Variants in KDM4B observed in about 807,000 individuals in gnomAD.
KDM4B encodes the protein lysine-specific demethylase 4B.
In KDM4B, 32 loss-of-function variants were observed where a neutral mutation model predicts 125.2. That is an observed-to-expected ratio of 0.26 (90% CI 0.19 to 0.34). KDM4B has a LOEUF of 0.34. KDM4B is among the 10% of genes least tolerant of loss of function. The pLI is 1.00. For missense variants in KDM4B, 1,190 were observed against 1,577.7 expected, an observed-to-expected ratio of 0.75 and a Z score of 4.16; for synonymous variants, 721 against 677.9, an observed-to-expected ratio of 1.06 and a Z score of -0.99.
chr19:5,079,636 G>T (rs574990777), intron 8 of KDM4B, among the ~76,000 whole-genome samples: 1 of 152,346 alleles, frequency 6.6e-6, no homozygotes, highest in South Asian at 2.1e-4. Flanking sequence ...ACAGGGAGCC[G>T]TCACTTGGCC....
At chr19:5,109,580 A>G (rs745776574) in intron 9 of KDM4B, among the ~76,000 whole-genome samples, 1 of 152,090 alleles carries the variant, frequency 6.6e-6, no homozygotes, top group Non-Finnish European at 1.5e-5. Context: ...GGGCCATCCT[A>G]TTGGGTGTTT....
At chr19:5,077,681 G>T in intron 8 of KDM4B, 2 of 551,324 alleles carry the variant, frequency 3.6e-6, no homozygotes, top group Admixed American at 6.8e-5. Flanking sequence ...AATCTGGCGG[G>T]GTGTTAACCT....
At chr19:5,110,114 A>C (rs942139791) in intron 9 of KDM4B, among the ~76,000 whole-genome samples, 2 of 151,896 alleles carry the variant, frequency 1.3e-5, no homozygotes, top group East Asian at 3.9e-4. Flanking sequence ...GGCCGTTCCA[A>C]CTCCGTGGAG....
At chr19:5,032,772 G>A in intron 2 of KDM4B, 94 bp from the exon 3 acceptor site, 4 of 1,235,680 alleles carry the variant, frequency 3.2e-6, no homozygotes, top group Non-Finnish European at 1.1e-6. Context: ...GGTGGCCACG[G>A]TATTTTTAGC....
At chr19:4,986,814 G>A (rs536234726) in intron 1 of KDM4B, among the ~76,000 whole-genome samples, 2 of 152,234 alleles carry the variant, frequency 1.3e-5, no homozygotes, top group Non-Finnish European at 2.9e-5. Flanking sequence ...GGAACGAGGC[G>A]CAGCTCACTG....
At chr19:5,054,484 G>A (rs1437325180) in intron 6 of KDM4B, among the ~76,000 whole-genome samples, 1 of 152,156 alleles carries the variant, frequency 6.6e-6, no homozygotes, top group Non-Finnish European at 1.5e-5. Context: ...GTGTGTGTGT[G>A]TGTGTGCGCG....
chr19:5,017,832 C>T (rs1226893173), intron 2 of KDM4B, among the ~76,000 whole-genome samples: 1 of 151,636 alleles, frequency 6.6e-6, no homozygotes, highest in Non-Finnish European at 1.5e-5. Context: ...GCTCCGCCTC[C>T]CGGGTTCACG....
chr19:4,977,607 G>A (rs748929036), intron 1 of KDM4B, among the ~76,000 whole-genome samples: 2 of 152,192 alleles, frequency 1.3e-5, no homozygotes, highest in Non-Finnish European at 1.5e-5. Context: ...GGAGACAGAC[G>A]ATTTGTATGA....
In KDM4B at chr19:5,114,499, GA is replaced by G. The variant is rs958949184; in HGVS notation, c.1115+3682del. On this transcript the variant is annotated intron_variant, in intron 10 of 22. Coordinates refer to ENST00000159111, the MANE Select transcript of KDM4B (RefSeq NM_015015.3). This position sits in a 1 kb window ranked among gnomAD's most constrained non-coding sequence, Gnocchi z 5.8. ...ACCAACAGGGACCTCAGCCCTCAGG[GA>G]CAGAACCTCACGAGCACAGGGACCT... The G allele has an allele frequency of 1.1e-5, 4 of 361,744 alleles. No individual in the cohort carries two copies. Among genetic ancestry groups the G allele is most frequent in the African/African-American group, 8.5e-5 (4 of 47,058 alleles). 22.4% of individuals were successfully genotyped at this position (361,744 alleles called of 1,614,324 possible). A position where few individuals can be genotyped will look rare whatever the true frequency, so the allele number is the denominator to read the frequency against.
chr19:5,058,811 T>C (rs2037491384), intron 6 of KDM4B, among the ~76,000 whole-genome samples: 1 of 152,150 alleles, frequency 6.6e-6, no homozygotes, highest in South Asian at 2.1e-4. Context: ...GGCTGCAGGA[T>C]TTTTGTTTTA....
chr19:5,018,526 G>A (rs1281074324), intron 2 of KDM4B, among the ~76,000 whole-genome samples: 1 of 152,182 alleles, frequency 6.6e-6, no homozygotes, highest in Non-Finnish European at 1.5e-5. Flanking sequence ...GGTTTGGCAG[G>A]TCCCCAGATA....
At chr19:4,985,964 G>C (rs1599357898) in intron 1 of KDM4B, among the ~76,000 whole-genome samples, 1 of 152,334 alleles carries the variant, frequency 6.6e-6, no homozygotes, top group Non-Finnish European at 1.5e-5. Context: ...CGCTGTCTGG[G>C]CCTGAAACAG....
In KDM4B at chr19:5,135,839, C is replaced by G. The variant is rs1448368394; in HGVS notation, c.2308+278C>G. ...GCCACCCTGGGGCAGGACAGGGCCTCCACCGCCCCCAGCATCCAGAAGATG... is the reference window on the plus strand; with the variant it reads ...GCCACCCTGGGGCAGGACAGGGCCTGCACCGCCCCCAGCATCCAGAAGATG... On this transcript the variant is annotated intron_variant, in intron 15 of 22. Coordinates refer to ENST00000159111, the MANE Select transcript of KDM4B (RefSeq NM_015015.3). 2.0e-5 allele frequency among the ~76,000 whole-genome samples: 3 copies of G among 152,242 alleles called. No individual in the cohort carries two copies. In the East Asian group the frequency reaches 5.8e-4, roughly 29 times the overall value.
chr19:4,973,182 GC>G (rs1367984668), intron 1 of KDM4B, among the ~76,000 whole-genome samples: 1 of 152,172 alleles, frequency 6.6e-6, no homozygotes, highest in Non-Finnish European at 1.5e-5. Flanking sequence ...TGTGCTAGTT[GC>G]ACATACTTTT....
intron 1 of KDM4B, among the ~76,000 whole-genome samples, chr19:4,996,352 G>A (rs1019929880): frequency 2.6e-5 from 4 of 152,102 alleles, no homozygotes; most frequent in African/African-American, 9.7e-5. Context: ...TCTAGGTGGG[G>A]TTGCTCAGAG....
intron 6 of KDM4B, among the ~76,000 whole-genome samples, chr19:5,053,012 G>A (rs1044198329): frequency 6.6e-6 from 1 of 152,226 alleles, no homozygotes; most frequent in Non-Finnish European, 1.5e-5. Flanking sequence ...TTGGGTGGCC[G>A]CAGAGACAGC....
intron 9 of KDM4B, among the ~76,000 whole-genome samples, chr19:5,089,679 T>C (rs990821774): frequency 6.1e-5 from 9 of 148,394 alleles, no homozygotes; most frequent in African/African-American, 2.2e-4. Flanking sequence ...CTTCTCAATA[T>C]GGTTCTGTCT....
chr19:5,062,779 T>TG (rs1555703194), intron 6 of KDM4B, among the ~76,000 whole-genome samples: 2 of 129,732 alleles, frequency 1.5e-5, no homozygotes, highest in East Asian at 2.1e-4. Flanking sequence ...TAAACTGTTT[T>TG]TTTTTTTTTT....
At chr19:5,077,153 G>C (rs1025155672) in intron 7 of KDM4B, 7 of 590,216 alleles carry the variant, frequency 1.2e-5, no homozygotes, top group Middle Eastern at 4.5e-4. Flanking sequence ...AGAGCTCACA[G>C]CAGGGCACTA....
Sources: allele counts gnomAD v4.1 joint callset (sites outside exome capture counted in the v4.1 genomes callset), GRCh38; gene constraint gnomAD v4.1.1; non-coding constraint Gnocchi (gnomAD v3.1); transcripts MANE v1.5; gene names NCBI Gene and HGNC (gene_info 2026-07-23, HGNC 2026-07-21).